Variants in PPP6R2 observed in about 807,000 individuals in gnomAD.
PPP6R2 encodes protein phosphatase 6 regulatory subunit 2.
A neutral mutation model predicts 100.2 loss-of-function variants in PPP6R2; 62 were observed. That is an observed-to-expected ratio of 0.62 (90% CI 0.50 to 0.76). The LOEUF is 0.76. Ranked by LOEUF, PPP6R2 falls within the 30% of genes least tolerant of loss-of-function variation. The pLI, the probability that PPP6R2 is intolerant of heterozygous loss-of-function variation, is 0.00. For missense variants in PPP6R2, 1,142 were observed against 1,276.3 expected (o/e 0.89, Z 1.60); for synonymous variants, 525 against 514.7 (o/e 1.02, Z -0.27).
intron 2 of PPP6R2, among the ~76,000 whole-genome samples, chr22:50,384,533 C>T (rs1235233620): frequency 3.9e-5 from 6 of 152,000 alleles, no homozygotes; most frequent in Non-Finnish European, 7.4e-5. Context: ...CCAGTCTGGG[C>T]GACAGAGCGA....
At chr22:50,425,751 G>T (rs759863498) in intron 10 of PPP6R2, among the ~76,000 whole-genome samples, 1 of 151,490 alleles carries the variant, frequency 6.6e-6, no homozygotes, top group Non-Finnish European at 1.5e-5. Context: ...TCTGATGTGC[G>T]TGTGGAACAG....
Position 50,369,152 on chromosome 22 carries a change from C to T in PPP6R2, c.-147-2868C>T, listed in dbSNP as rs556013554. Among the ~76,000 whole-genome samples, 61 of 151,728 alleles carry T rather than the reference C, an allele frequency of 4.0e-4. No individual in the cohort carries two copies. The South Asian group carries it at 0.011, about 27-fold the overall frequency. On this transcript the variant is annotated intron_variant, in intron 1 of 23. Transcript: ENST00000612753. ...ACTTGGGAGGCTGAGGCAGGAGAATCGCTTGAACCTAGGAGGCGGAGGTTG... is the reference window on the plus strand; with the variant it reads ...ACTTGGGAGGCTGAGGCAGGAGAATTGCTTGAACCTAGGAGGCGGAGGTTG...
rs575427321 is a variant in PPP6R2, at chr22:50,429,496, G to C, written c.1126-1677G>C. Reference sequence around the variant, plus strand: ...TCCTGGTATATAATTCTTTTGATATGATGCTAAGTTTGGTTTGCTAGTATT... The same window carrying C: ...TCCTGGTATATAATTCTTTTGATATCATGCTAAGTTTGGTTTGCTAGTATT... On this transcript the variant is annotated intron_variant, in intron 10 of 23. Coordinates refer to ENST00000612753, the MANE Select transcript of PPP6R2 (RefSeq NM_001242898.2). Among the ~76,000 whole-genome samples, 6 of 152,296 alleles carry C rather than the reference G, an allele frequency of 3.9e-5. No homozygotes were observed. The South Asian group carries it at 1.2e-3, about 32-fold the overall frequency.
chr22:50,340,156 G>A (rs1467210838), upstream of PPP6R2, among the ~76,000 whole-genome samples: 1 of 132,792 alleles, frequency 7.5e-6, no homozygotes, highest in Admixed American at 8.3e-5. Context: ...GTGTGTGTAG[G>A]GCGTGTGGTG....
intron 4 of PPP6R2, among the ~76,000 whole-genome samples, chr22:50,413,375 T>G (rs188337083): frequency 6.6e-6 from 1 of 152,304 alleles, no homozygotes; most frequent in African/African-American, 2.4e-5. Context: ...CTGCTTATTA[T>G]TACAGCATTT....
chr22:50,388,838 C>G (rs998175605), intron 2 of PPP6R2: 4 of 150,930 alleles, frequency 2.7e-5, no homozygotes, highest in African/African-American at 9.8e-5. Context: ...TGCCACTGCA[C>G]TCCAGCGTGG....
At chr22:50,442,231 C>T (rs1171115206) in intron 22 of PPP6R2, among the ~76,000 whole-genome samples, 6 of 152,240 alleles carry the variant, frequency 3.9e-5, no homozygotes, top group African/African-American at 9.6e-5. Context: ...TGCTCACTGA[C>T]CCCCGGCAAT....
At chr22:50,422,116 G>A in intron 8 of PPP6R2, 138 bp from the exon 9 acceptor site, 6 of 1,070,046 alleles carry the variant, frequency 5.6e-6, no homozygotes, top group Non-Finnish European at 8.0e-6. Context: ...GGAGACGCTG[G>A]GTAGCTGCAC....
At chr22:50,375,056 A>T (rs1435878157) in intron 2 of PPP6R2, among the ~76,000 whole-genome samples, 3 of 152,202 alleles carry the variant, frequency 2.0e-5, no homozygotes, top group Admixed American at 2.0e-4. Context: ...CTAGGTTGAC[A>T]ACAGATGTCT....
At chr22:50,368,202 T>C (rs2049167071) in intron 1 of PPP6R2, among the ~76,000 whole-genome samples, 1 of 152,242 alleles carries the variant, frequency 6.6e-6, no homozygotes, top group Non-Finnish European at 1.5e-5. Flanking sequence ...CAGAGACGTT[T>C]ACGCCTCCAG....
At chr22:50,413,584 G>C (rs761790612) in intron 4 of PPP6R2, among the ~76,000 whole-genome samples, 8 of 152,114 alleles carry the variant, frequency 5.3e-5, no homozygotes, top group Non-Finnish European at 1.0e-4. Context: ...TCTTAATATT[G>C]TTATTTGTAC....
chr22:50,443,519 T>C (rs1409050817), intron 22 of PPP6R2: 2 of 253,838 alleles, frequency 7.9e-6, no homozygotes, highest in African/African-American at 4.4e-5. Context: ...CTGGGAGGTT[T>C]CCCCAGACTG....
In PPP6R2 at chr22:50,440,806, G is replaced by T. The variant is rs779802795; in HGVS notation, c.2375-16G>T. Reference sequence around the variant, plus strand: ...CCTCCTGCCTCACTGGACAGCACAGGCCTCCTACTTTGCAGTCAGCCCGGC... The same window carrying T: ...CCTCCTGCCTCACTGGACAGCACAGTCCTCCTACTTTGCAGTCAGCCCGGC... On this transcript the variant is annotated splice_polypyrimidine_tract_variant and intron_variant, in intron 21 of 23. Coordinates refer to ENST00000612753, the MANE Select transcript of PPP6R2 (RefSeq NM_001242898.2). 8.1e-6 allele frequency: 13 copies of T among 1,612,578 alleles called. No individual in the cohort carries two copies. The highest frequency in any genetic ancestry group is 9.3e-6 in the Non-Finnish European group (11 of 1,179,976).
chr22:50,439,685 G>C lies in PPP6R2; in HGVS notation c.2129-16G>C, dbSNP rs368286238. ...AGGCCTGCCCACGCCTGACCACTGT[G>C]TCTCTCCCCCAGCAGGCGCCATGTG... On this transcript the variant is annotated splice_polypyrimidine_tract_variant and intron_variant, in intron 19 of 23. Transcript: ENST00000612753. 57 of 1,561,424 alleles carry C rather than the reference G, an allele frequency of 3.7e-5. No individual in the cohort carries two copies. Among genetic ancestry groups the C allele is most frequent in the Middle Eastern group, 1.7e-4 (1 of 5,716 alleles).
In PPP6R2 at chr22:50,431,140, C is replaced by T. The variant is rs1276097208; in HGVS notation, c.1126-33C>T. ...GTGTAGCCGGCAGGAGAAAACCGAT[C>T]TAAGAACTGTCTTCTGTCCTCTGTT... On this transcript the variant is annotated intron_variant, in intron 10 of 23. Transcript: ENST00000612753. This position sits in a 1 kb window ranked among gnomAD's most constrained non-coding sequence, Gnocchi z 4.8. 4 of 1,549,364 alleles carry T rather than the reference C, an allele frequency of 2.6e-6. No homozygotes were observed. Among genetic ancestry groups the T allele is most frequent in the Non-Finnish European group, 3.6e-6 (4 of 1,124,654 alleles).
At chr22:50,388,405 A>T (rs1176421637) in intron 2 of PPP6R2, among the ~76,000 whole-genome samples, 3 of 151,302 alleles carry the variant, frequency 2.0e-5, no homozygotes, top group Non-Finnish European at 1.5e-5. Flanking sequence ...AAAAAAAAAA[A>T]AAATAAGCCT....
intron 4 of PPP6R2, among the ~76,000 whole-genome samples, chr22:50,412,504 G>A (rs1482379298): frequency 2.0e-5 from 3 of 151,824 alleles, no homozygotes; most frequent in Admixed American, 1.3e-4. Context: ...TTTCTTAAAT[G>A]TTTGGAAGAA....
At chr22:50,397,196 C>T (rs1303370261) in intron 3 of PPP6R2, among the ~76,000 whole-genome samples, 2 of 152,120 alleles carry the variant, frequency 1.3e-5, no homozygotes, top group African/African-American at 4.8e-5. Flanking sequence ...CCTGAGTAAA[C>T]AACCCAGGTC....
intron 5 of PPP6R2, 114 bp from the exon 6 acceptor site, chr22:50,415,978 G>A (rs1450167335): frequency 1.7e-5 from 16 of 937,332 alleles, no homozygotes; most frequent in Non-Finnish European, 2.4e-5. Context: ...GGGTGTGTCA[G>A]GCAAAGAGTC....
Sources: allele counts gnomAD v4.1 joint callset (sites outside exome capture counted in the v4.1 genomes callset), GRCh38; gene constraint gnomAD v4.1.1; non-coding constraint Gnocchi (gnomAD v3.1); transcripts MANE v1.5; gene names NCBI Gene and HGNC (gene_info 2026-07-23, HGNC 2026-07-21).